FTO: variants seen among roughly 807,000 people sequenced by gnomAD.
FTO encodes alpha-ketoglutarate-dependent dioxygenase FTO.
FTO carries 47 observed loss-of-function variants against 63.9 expected under a neutral mutation model. The ratio of observed to expected loss-of-function variants is 0.74; its 90% CI spans 0.58 to 0.94. The LOEUF (loss-of-function observed/expected upper bound fraction) is 0.94, where lower values mean the gene tolerates loss of function less well. Among genes scored for constraint, FTO ranks in the 40% least tolerant of loss-of-function variants. FTO has a pLI of 0.00. For synonymous variants in FTO, 207 were observed against 224.4 expected, an observed-to-expected ratio of 0.92 and a Z score of 0.69; for missense variants, 562 against 618.1, an observed-to-expected ratio of 0.91 and a Z score of 0.96.
At chr16:53,827,437 C>T (rs1433889643) in intron 3 of FTO, among the ~76,000 whole-genome samples, 1 of 152,138 alleles carries the variant, frequency 6.6e-6, no homozygotes, top group African/African-American at 2.4e-5. Context: ...TTCTGGATAT[C>T]CCATCAGGGA....
chr16:53,820,229 G>A (rs938944417), intron 2 of FTO, among the ~76,000 whole-genome samples: 4 of 151,790 alleles, frequency 2.6e-5, no homozygotes, highest in East Asian at 1.9e-4. Flanking sequence ...GGTTGGTCTC[G>A]AGCTCCTGAC....
rs1250316313 is a variant in FTO, at chr16:54,117,065, C to T, written c.*5150C>T. ...TCCTCTGCTCTTTCTATCCCGCTGT[C>T]ATTCATCAGATTTTCCAAATCTTTG... On this transcript the variant is annotated 3_prime_UTR_variant, in exon 9 of 9. Coordinates refer to ENST00000471389, the MANE Select transcript of FTO (RefSeq NM_001080432.3). The T allele has an allele frequency of 1.3e-5, 2 of 152,196 alleles. No homozygotes were observed. Among genetic ancestry groups the T allele is most frequent in the African/African-American group, 4.8e-5 (2 of 41,446 alleles). The allele number at this position is 152,196 out of a possible 1,614,324, so 9.4% of individuals were successfully genotyped here.
chr16:53,895,860 G>T (rs995097065), intron 7 of FTO, among the ~76,000 whole-genome samples: 9 of 152,174 alleles, frequency 5.9e-5, no homozygotes, highest in Non-Finnish European at 1.2e-4. Context: ...GAAATTCCAA[G>T]TGACAGCCTT....
chr16:53,777,932 C>T (rs2077499166), intron 1 of FTO, among the ~76,000 whole-genome samples: 1 of 152,096 alleles, frequency 6.6e-6, no homozygotes, highest in African/African-American at 2.4e-5. Flanking sequence ...GCAAATTCAG[C>T]CCAGAACTCA....
chr16:53,844,188 T>C lies in FTO; in HGVS notation c.785T>C (p.Leu262Pro), dbSNP rs148528422. 74 of 1,613,844 alleles carry C rather than the reference T, an allele frequency of 4.6e-5. No homozygotes were observed. The highest frequency in any genetic ancestry group is 6.3e-5 in the Non-Finnish European group (74 of 1,179,856). ...PEEESEDDSH[L>P]EGRDPDIWHV... The stretch of plus-strand genomic sequence containing the variant: ...GAGGAAAGTGAGGATGACTCTCATC[T>C]CGAAGGCAGGGATCCTGATATTTGG... The change falls in exon 4 of 9, where the codon CTC (leucine) becomes CCC (proline). Residue 262 changes from leucine (L) to proline (P), a missense_variant. Transcript: ENST00000471389.
At chr16:53,911,229 C>T (rs1598970374) in intron 7 of FTO, 6 of 602,648 alleles carry the variant, frequency 1.0e-5, no homozygotes, top group Non-Finnish European at 1.5e-5. Context: ...AGTGGCTGAG[C>T]GATTGGAGTG....
intron 8 of FTO, among the ~76,000 whole-genome samples, chr16:53,977,164 TATTCTCTTTA>T (rs1394293769): frequency 6.6e-5 from 10 of 150,442 alleles, no homozygotes; most frequent in African/African-American, 2.5e-4. Context: ...AAATAATTCT[TATTCTCTTTA>T]ATTCTCTTTA....
intron 8 of FTO, among the ~76,000 whole-genome samples, chr16:53,986,823 G>A (rs1219039165): frequency 6.6e-6 from 1 of 152,094 alleles, no homozygotes; most frequent in Admixed American, 6.6e-5. Context: ...AGTAAATGAA[G>A]GTAACGTTGT....
At chr16:53,825,829 T>G in intron 2 of FTO, 35 bp from the exon 3 acceptor site, 1 of 1,607,018 alleles carries the variant, frequency 6.2e-7, no homozygotes, top group Non-Finnish European at 8.5e-7. Flanking sequence ...TGTAGCTATA[T>G]ATCAACGTCT....
At chr16:53,718,652 A>G (rs532119373) in intron 1 of FTO, among the ~76,000 whole-genome samples, 2 of 149,562 alleles carry the variant, frequency 1.3e-5, no homozygotes, top group South Asian at 4.2e-4. Flanking sequence ...TTTGATTCTT[A>G]CTTTGTTTTT....
chr16:53,904,368 TA>T lies in FTO; in HGVS notation c.1239+15419del, dbSNP rs560747598. 3.3e-5 allele frequency among the ~76,000 whole-genome samples: 5 copies of T among 152,200 alleles called. No homozygotes were observed. In the South Asian group the frequency reaches 1.0e-3, roughly 32 times the overall value. On this transcript the variant is annotated intron_variant, in intron 7 of 8. Transcript: ENST00000471389. Reference sequence around the variant, plus strand: ...GCAACTGTTCTCTTAATTGCTATAATAATCTTTACCCAGGCTCCATTCTGTT... The same window carrying T: ...GCAACTGTTCTCTTAATTGCTATAATATCTTTACCCAGGCTCCATTCTGTT...
chr16:53,889,907 A>T (rs2081105473), intron 7 of FTO, among the ~76,000 whole-genome samples: 1 of 152,194 alleles, frequency 6.6e-6, no homozygotes, highest in Non-Finnish European at 1.5e-5. Context: ...TTTTCTGTAA[A>T]ACTTCTTTAA....
chr16:53,939,610 C>T (rs1215406350), intron 8 of FTO, among the ~76,000 whole-genome samples: 1 of 152,108 alleles, frequency 6.6e-6, no homozygotes, highest in Non-Finnish European at 1.5e-5. Flanking sequence ...TTAACAGCCA[C>T]CCTCCATTCC....
chr16:53,746,873 C>T (rs1215221792), intron 1 of FTO, among the ~76,000 whole-genome samples: 1 of 152,140 alleles, frequency 6.6e-6, no homozygotes, highest in African/African-American at 2.4e-5. Flanking sequence ...ACACTCCTAG[C>T]CTTGGGTACC....
At chr16:54,016,955 T>C (rs2084463574) in intron 8 of FTO, among the ~76,000 whole-genome samples, 1 of 152,194 alleles carries the variant, frequency 6.6e-6, no homozygotes, top group Admixed American at 6.5e-5. Flanking sequence ...TTCTAAGAAC[T>C]CAATCTTGAT....
chr16:54,083,423 C>T (rs554554204), intron 8 of FTO, among the ~76,000 whole-genome samples: 4 of 152,188 alleles, frequency 2.6e-5, no homozygotes, highest in Non-Finnish European at 2.9e-5. Context: ...TTCAGGTTTT[C>T]TGGTCTCCTT....
In FTO at chr16:53,933,994, G is replaced by A. The variant is rs2082334791; in HGVS notation, c.1249G>A (p.Val417Met). The A allele has an allele frequency of 2.5e-6, 4 of 1,613,638 alleles. No individual in the cohort carries two copies. Among genetic ancestry groups the A allele is most frequent in the Non-Finnish European group, 3.4e-6 (4 of 1,179,796 alleles). ...WKKMEGVTNA[V>M]LHEVKREGLP... ...GGATCATTTCTTGTAGACAAATGCT[G>A]TGCTTCATGAAGTTAAAAGAGAGGG... The change falls in exon 8 of 9, where the codon GTG becomes ATG. Residue 417 changes from valine to methionine, a missense_variant. Val to Met is a conservative substitution (Grantham distance 21). Coordinates refer to ENST00000471389, the MANE Select transcript of FTO (RefSeq NM_001080432.3).
chr16:53,991,477 C>T (rs910264134), intron 8 of FTO: 8 of 152,114 alleles, frequency 5.3e-5, no homozygotes, highest in African/African-American at 1.9e-4. Context: ...CTGTGTTACA[C>T]GAGGGTGAAG....
intron 1 of FTO, among the ~76,000 whole-genome samples, chr16:53,718,776 A>G (rs1305251907): frequency 6.6e-6 from 1 of 152,172 alleles, no homozygotes; most frequent in Non-Finnish European, 1.5e-5. Context: ...ACTTTCTAAT[A>G]ATGGTTCCTT....
Sources: gnomAD v4.1 joint callset for allele counts (sites outside exome capture counted in the v4.1 genomes callset) on GRCh38, gnomAD v4.1.1 for gene constraint, MANE v1.5 for transcripts, NCBI Gene and HGNC (gene_info 2026-07-23, HGNC 2026-07-21) for gene names.